Variants in SCAMP3 observed in about 807,000 individuals in gnomAD.
SCAMP3 encodes the protein secretory carrier-associated membrane protein 3.
SCAMP3 carries 30 observed loss-of-function variants against 44.1 expected under a neutral mutation model. The observed-to-expected ratio is 0.68, with a 90% confidence interval of 0.51 to 0.92. The LOEUF (loss-of-function observed/expected upper bound fraction) is 0.92. SCAMP3 is among the 40% of genes least tolerant of loss of function. The pLI is 0.00. For synonymous variants in SCAMP3, 168 were observed against 171.1 expected (o/e 0.98, Z 0.14); for missense variants, 394 against 440.0 (o/e 0.90, Z 0.93).
chr1:155,259,046 CTTTTT>C (rs34682738), intron 4 of SCAMP3, 92 bp from the exon 5 acceptor site: 1,756 of 485,034 alleles, frequency 3.6e-3, no homozygotes, highest in East Asian at 6.6e-3. Context: ...TGGATCCTCT[CTTTTT>C]TTTTTTTTTT....
In SCAMP3 at chr1:155,260,416, T is replaced by C. The variant is rs751041621; in HGVS notation, c.302A>G (p.Lys101Arg). The C allele has an allele frequency of 1.2e-6, 2 of 1,614,100 alleles. No individual in the cohort carries two copies. Among genetic ancestry groups the C allele is most frequent in the Non-Finnish European group, 8.5e-7 (1 of 1,180,034 alleles). The change falls in exon 4 of 9, where the codon AAG becomes AGG. Residue 101 changes from lysine (K) to arginine (R), a missense_variant. Transcript: ENST00000302631. Reference protein sequence around the residue: ...SAAAATAELLKKQEELNRKAE... With the variant: ...SAAAATAELLRKQEELNRKAE... ...CTTCCGGTTGAGCTCCTCCTGTTTC[T>C]TCAGCAGCTCAGCTGTGGCTGCTGC...
At position 155,262,213 on chromosome 1, in the gene SCAMP3, A is replaced by G; in HGVS notation, c.-62T>C. 1 of 1,492,026 alleles carries G rather than the reference A, an allele frequency of 6.7e-7. No homozygotes were observed. The highest frequency in any genetic ancestry group is 9.3e-7 in the Non-Finnish European group (1 of 1,078,886). The allele number at this position is 1,492,026 out of a possible 1,614,324, so 92.4% of individuals were successfully genotyped here. A position where few individuals can be genotyped will look rare whatever the true frequency, so the allele number is the denominator to read the frequency against. ...ACGCCCCTGCCGCAGCAGTGGCGGT[A>G]GCGGTAGCCCTCAGAGTCCACTTCA... On this transcript the variant is annotated 5_prime_UTR_variant, in exon 1 of 9. Coordinates refer to ENST00000302631, the MANE Select transcript of SCAMP3 (RefSeq NM_005698.4).
intron 5 of SCAMP3, among the ~76,000 whole-genome samples, chr1:155,258,022 TC>T (rs1382674162): frequency 2.4e-4 from 32 of 135,358 alleles, no homozygotes; most frequent in African/African-American, 8.6e-4. Context: ...TTTTTTTTTT[TC>T]TTTTTTTTTT....
At chr1:155,261,425 A>G (rs1332735081) in intron 2 of SCAMP3, 9 of 573,376 alleles carry the variant, frequency 1.6e-5, no homozygotes, top group Non-Finnish European at 9.4e-6. Context: ...AGGCCTTGCC[A>G]GCCTCCAGAT....
chr1:155,257,171 A>T, intron 7 of SCAMP3, 114 bp downstream of exon 7: 1 of 703,762 alleles, frequency 1.4e-6, no homozygotes, highest in Non-Finnish European at 2.5e-6. Context: ...TCATTAAACT[A>T]GTACCTCCCA....
At position 155,262,325 on chromosome 1, in the gene SCAMP3, T is replaced by C. The variant is rs545826858; in HGVS notation, c.-174A>G. 107 of 614,792 alleles carry C rather than the reference T, an allele frequency of 1.7e-4. No homozygotes were observed. Among genetic ancestry groups the C allele is most frequent in the Middle Eastern group, 4.4e-4 (1 of 2,276 alleles). The allele number at this position is 614,792 out of a possible 1,614,324, so 38.1% of individuals were successfully genotyped here. A position where few individuals can be genotyped will look rare whatever the true frequency, so the allele number is the denominator to read the frequency against. On this transcript the variant is annotated 5_prime_UTR_variant, in exon 1 of 9. Transcript: ENST00000302631. ...AAGGATCCCCGCAGCAGCCGTGGGT[T>C]GCGCCTGCGTCTTGTCCAAAAGCTA... is the stretch of plus-strand genomic sequence containing the variant.
chr1:155,257,583 C>T lies in SCAMP3; in HGVS notation c.592G>A (p.Gly198Ser), dbSNP rs755338214. 14 of 1,599,826 alleles carry T rather than the reference C, an allele frequency of 8.8e-6. No individual in the cohort carries two copies. The African/African-American group carries it at 1.3e-4, about 15-fold the overall frequency. The change falls in exon 6 of 9, where the codon GGC becomes AGC. Residue 198 changes from glycine (G) to serine (S), a missense_variant. Gly to Ser is a moderately conservative substitution (Grantham distance 56). Transcript: ENST00000302631. ...SFCVETNNGA[G>S]FGLSILWVLL... Reference sequence around the variant, plus strand: ...ACCCAGAGGATAGAAAGCCCAAAGCCTGCGCCATTGTTGGTTTCCACACAG... The same window carrying T: ...ACCCAGAGGATAGAAAGCCCAAAGCTTGCGCCATTGTTGGTTTCCACACAG...
rs1283741567 is a variant in SCAMP3 at position 155,257,313 on chromosome 1, C to T, written c.751G>A (p.Ala251Thr). The T allele has an allele frequency of 6.2e-7, 1 of 1,613,702 alleles. No individual in the cohort carries two copies. The highest frequency in any genetic ancestry group is 1.7e-5 in the Admixed American group (1 of 60,012). Residue 251 changes from alanine to threonine, a missense_variant, in exon 7 of 9, where the codon GCC (alanine) becomes ACC (threonine). Ala to Thr is a moderately conservative substitution (Grantham distance 58). Transcript: ENST00000302631. ...AATCCCCAACCTGGGATACCAATGG[C>T]CTGGAGGACAAAGAGCACATCCTGG... The part of the protein sequence containing the change: ...FVQDVLFVLQ[A>T]IGIPGWGFSG...
chr1:155,257,748 A>G, intron 5 of SCAMP3, 91 bp from the exon 6 acceptor site: 1 of 1,235,252 alleles, frequency 8.1e-7, no homozygotes, highest in South Asian at 1.4e-5. Flanking sequence ...TTCACCAAAC[A>G]TGGCAGAGTA....
chr1:155,260,786 G>T, intron 2 of SCAMP3, 127 bp from the exon 3 acceptor site: 1 of 820,376 alleles, frequency 1.2e-6, no homozygotes, highest in Non-Finnish European at 1.9e-6. Context: ...TTGTTAGGAA[G>T]CTAGTTCTTC....
At chr1:155,260,289 C>A in intron 4 of SCAMP3, 41 bp downstream of exon 4, 1 of 1,602,672 alleles carries the variant, frequency 6.2e-7, no homozygotes, top group Admixed American at 1.7e-5. Flanking sequence ...GTTTTTGCTC[C>A]TCCCAAACTC....
rs1488619040 is a variant in SCAMP3 at position 155,258,887 on chromosome 1, G to T, written c.456C>A (p.Ile152=). Residue 152 remains isoleucine (I), a synonymous_variant, in exon 5 of 9, where the codon ATC becomes ATA. Coordinates refer to ENST00000302631, the MANE Select transcript of SCAMP3 (RefSeq NM_005698.4). ...CPVQPCFFQD[I]SMEIPQEFQK... Reference sequence around the variant, plus strand: ...GAAATTCTTGGGGGATCTCCATGGAGATGTCCTGGAAAAAGCAGGGCTGAA... The same window carrying T: ...GAAATTCTTGGGGGATCTCCATGGATATGTCCTGGAAAAAGCAGGGCTGAA... 1 of 1,613,436 alleles carries T rather than the reference G, an allele frequency of 6.2e-7. No homozygotes were observed. Among genetic ancestry groups the T allele is most frequent in the Non-Finnish European group, 8.5e-7 (1 of 1,179,672 alleles).
chr1:155,261,104 C>T (rs1672949534), intron 2 of SCAMP3: 1 of 176,890 alleles, frequency 5.7e-6, no homozygotes, highest in Admixed American at 5.5e-5. Context: ...ATTTTTAAAA[C>T]GTTTCAAGAG....
At position 155,261,855 on chromosome 1, in the gene SCAMP3, A is replaced by C. The variant is rs373599957; in HGVS notation, c.67-121T>G. On this transcript the variant is annotated intron_variant, in intron 1 of 8. Coordinates refer to ENST00000302631, the MANE Select transcript of SCAMP3 (RefSeq NM_005698.4). ...ACCTTCGGGGCCACGCCGTTGTCCC[A>C]GGACTGGGACAACATTTACCTCAAA... The C allele has an allele frequency of 1.5e-5, 15 of 969,776 alleles. No individual in the cohort carries two copies. In the South Asian group the frequency reaches 1.9e-4, roughly 12 times the overall value. 60.1% of individuals were successfully genotyped at this position (969,776 alleles called of 1,614,324 possible). A position where few individuals can be genotyped will look rare whatever the true frequency, so the allele number is the denominator to read the frequency against.
intron 4 of SCAMP3, among the ~76,000 whole-genome samples, chr1:155,259,546 T>C (rs1396872157): frequency 6.6e-6 from 1 of 152,040 alleles, no homozygotes; most frequent in African/African-American, 2.4e-5. Flanking sequence ...CATTAATGTT[T>C]TGGAGGCAGG....
Position 155,262,230 on chromosome 1 carries a change from T to G in SCAMP3, c.-79A>C, listed in dbSNP as rs547353576. Reference sequence around the variant, plus strand: ...GTGGCGGTAGCGGTAGCCCTCAGAGTCCACTTCACTCGCCTCAGTTCGCCC... The same window carrying G: ...GTGGCGGTAGCGGTAGCCCTCAGAGGCCACTTCACTCGCCTCAGTTCGCCC... On this transcript the variant is annotated 5_prime_UTR_variant, in exon 1 of 9. Transcript: ENST00000302631. 1 of 1,305,208 alleles carries G rather than the reference T, an allele frequency of 7.7e-7. No homozygotes were observed. The highest frequency in any genetic ancestry group is 1.1e-6 in the Non-Finnish European group (1 of 924,516). 80.9% of individuals were successfully genotyped at this position (1,305,208 alleles called of 1,614,324 possible).
At position 155,260,438 on chromosome 1, in the gene SCAMP3, C is replaced by G; in HGVS notation, c.280G>C (p.Ala94Pro). The G allele has an allele frequency of 6.2e-7, 1 of 1,614,022 alleles. No homozygotes were observed. The highest frequency in any genetic ancestry group is 1.3e-5 in the African/African-American group (1 of 75,046). The change falls in exon 4 of 9, where the codon GCA becomes CCA. Residue 94 changes from alanine (A) to proline (P), a missense_variant. By Grantham distance (27) the Ala-to-Pro change is conservative (BLOSUM62 -1). Coordinates refer to ENST00000302631, the MANE Select transcript of SCAMP3 (RefSeq NM_005698.4). Reference protein sequence around the residue: ...GSYSTQASAAAATAELLKKQE... With the variant: ...GSYSTQASAAPATAELLKKQE... ...TTCTTCAGCAGCTCAGCTGTGGCTG[C>G]TGCAGCTGAGGCCTGCCCAGTGTGA...
rs772918449 is a variant in SCAMP3, at chr1:155,257,380, G to A, written c.684C>T (p.Asp228=). ...AGAAAACGAAGAAATTGAATGAACT[G>A]TCACTCCTACAAAGAGGAAAAAAAT... ...YRPMYKAFRS[D]SSFNFFVFFF... is the part of the protein sequence containing the mutation. Residue 228 remains aspartate, a synonymous_variant, in exon 7 of 9, where the codon GAC becomes GAT. Transcript: ENST00000302631. The A allele has an allele frequency of 1.2e-6, 2 of 1,613,256 alleles. No individual in the cohort carries two copies. The highest frequency in any genetic ancestry group is 1.7e-6 in the Non-Finnish European group (2 of 1,179,430).
chr1:155,257,874 T>C (rs1417157131), intron 5 of SCAMP3, among the ~76,000 whole-genome samples: 1 of 152,172 alleles, frequency 6.6e-6, no homozygotes, highest in Admixed American at 6.5e-5. Flanking sequence ...AGACGGAGTC[T>C]GGCTCTGTCG....
Sources: allele counts gnomAD v4.1 joint callset (sites outside exome capture counted in the v4.1 genomes callset), GRCh38; gene constraint gnomAD v4.1.1; transcripts MANE v1.5; gene names NCBI Gene and HGNC (gene_info 2026-07-23, HGNC 2026-07-21).